Variants in SLC39A11 observed in about 807,000 individuals in gnomAD.
SLC39A11 encodes zinc transporter ZIP11.
A neutral mutation model predicts 36.1 loss-of-function variants in SLC39A11; 33 were observed. The observed-to-expected ratio is 0.91, with a 90% CI of 0.69 to 1.22. SLC39A11 has a LOEUF of 1.22. Ranked by LOEUF, SLC39A11 falls within the 50% of genes most tolerant of loss-of-function variation. The pLI, the probability that SLC39A11 is intolerant of heterozygous loss-of-function variation, is 0.00. For missense variants in SLC39A11, 432 were observed against 430.3 expected (o/e 1.00, Z -0.03); for synonymous variants, 166 against 170.3 (o/e 0.97, Z 0.20).
intron 7 of SLC39A11, among the ~76,000 whole-genome samples, chr17:72,652,179 G>T (rs913814567): frequency 6.6e-6 from 1 of 152,174 alleles, no homozygotes; most frequent in Non-Finnish European, 1.5e-5. Context: ...ACAAATGAGT[G>T]GGGGGCCAGA....
intron 5 of SLC39A11, among the ~76,000 whole-genome samples, chr17:72,888,147 T>C (rs375947382): frequency 4.6e-5 from 7 of 152,344 alleles, no homozygotes; most frequent in East Asian, 1.9e-4. Context: ...TCCACAGATA[T>C]TAGGACGAAC....
intron 6 of SLC39A11, among the ~76,000 whole-genome samples, chr17:72,763,267 G>T (rs373656302): frequency 2.5e-4 from 38 of 152,244 alleles, no homozygotes; most frequent in African/African-American, 7.9e-4. Flanking sequence ...ATTTAAAAGA[G>T]TTCCACAGTT....
At chr17:72,707,607 A>G (rs2072945742) in intron 7 of SLC39A11, among the ~76,000 whole-genome samples, 1 of 152,208 alleles carries the variant, frequency 6.6e-6, no homozygotes, top group East Asian at 1.9e-4. Context: ...TGTGTCATCA[A>G]GCAACTATGA....
chr17:72,928,110 A>C (rs2084165179), intron 5 of SLC39A11, among the ~76,000 whole-genome samples: 1 of 152,200 alleles, frequency 6.6e-6, no homozygotes, highest in South Asian at 2.1e-4. Context: ...TTTTCTAGAC[A>C]ACTGTAACCA....
intron 6 of SLC39A11, chr17:72,839,617 G>A (rs1007304513): frequency 6.6e-6 from 1 of 152,168 alleles, no homozygotes; most frequent in Non-Finnish European, 1.5e-5. Flanking sequence ...TCAGACTTCT[G>A]GCCTCCAGAA....
chr17:72,830,265 G>A (rs12943829), intron 6 of SLC39A11, among the ~76,000 whole-genome samples: 23 of 151,924 alleles, frequency 1.5e-4, no homozygotes, highest in Non-Finnish European at 2.1e-4. Context: ...CCACTGATAC[G>A]CTAGCATAGA....
chr17:72,981,594 C>CA (rs11444135), intron 4 of SLC39A11, among the ~76,000 whole-genome samples: 41,546 of 131,154 alleles, frequency 0.32, 6,867 homozygotes, highest in East Asian at 0.63. Flanking sequence ...TATTTAAATG[C>CA]AAAAAAAAAA....
chr17:72,713,689 T>C (rs1252597596), intron 7 of SLC39A11, among the ~76,000 whole-genome samples: 1 of 152,308 alleles, frequency 6.6e-6, no homozygotes, highest in African/African-American at 2.4e-5. Context: ...ACCCCAAGTC[T>C]AGCTGATTTT....
chr17:72,721,688 G>T (rs1174231386), intron 7 of SLC39A11, among the ~76,000 whole-genome samples: 1 of 152,116 alleles, frequency 6.6e-6, no homozygotes, highest in Non-Finnish European at 1.5e-5. Context: ...AGTTAAAATT[G>T]GCTGGGGGTG....
chr17:72,831,865 T>C (rs1050772557), intron 6 of SLC39A11, among the ~76,000 whole-genome samples: 3 of 152,226 alleles, frequency 2.0e-5, no homozygotes, highest in African/African-American at 7.2e-5. Flanking sequence ...AGCAACAGTC[T>C]CCATGGCTGA....
chr17:72,679,494 G>A (rs935865279), intron 7 of SLC39A11, among the ~76,000 whole-genome samples: 7 of 152,330 alleles, frequency 4.6e-5, no homozygotes, highest in African/African-American at 1.7e-4. Context: ...TAACCCCCCA[G>A]GGAACCTGTT....
In SLC39A11 at chr17:72,911,255, G is replaced by A. The variant is rs1391172616; in HGVS notation, c.430+36497C>T. On this transcript the variant is annotated intron_variant, in intron 5 of 9. Coordinates refer to ENST00000255559, the MANE Select transcript of SLC39A11 (RefSeq NM_139177.4). ...CACAGGAAGGGGAACATCACACACC[G>A]GGGCCTGTTGTGGGGTGGAGGAAGG... 4.6e-5 allele frequency among the ~76,000 whole-genome samples: 7 copies of A among 152,080 alleles called. No individual in the cohort carries two copies. The East Asian group carries it at 5.8e-4, about 13-fold the overall frequency.
At chr17:72,983,594 G>A (rs1234857471) in intron 4 of SLC39A11, among the ~76,000 whole-genome samples, 1 of 152,218 alleles carries the variant, frequency 6.6e-6, no homozygotes, top group African/African-American at 2.4e-5. Context: ...GAGACAGAAA[G>A]CACCTCTGGA....
chr17:72,818,132 A>T (rs1598858339), intron 6 of SLC39A11, among the ~76,000 whole-genome samples: 1 of 152,268 alleles, frequency 6.6e-6, no homozygotes, highest in Non-Finnish European at 1.5e-5. Context: ...ATTCAAGATG[A>T]GATTTGGGTG....
chr17:72,950,478 G>T (rs556575657), intron 4 of SLC39A11, among the ~76,000 whole-genome samples: 1 of 152,132 alleles, frequency 6.6e-6, no homozygotes, highest in African/African-American at 2.4e-5. Flanking sequence ...GATATGCCAC[G>T]GGCCATGGAG....
At chr17:72,903,077 C>T (rs2082476627) in intron 5 of SLC39A11, among the ~76,000 whole-genome samples, 1 of 151,946 alleles carries the variant, frequency 6.6e-6, no homozygotes, top group African/African-American at 2.4e-5. Flanking sequence ...ACCAGCCTGA[C>T]CAAATGATGA....
intron 6 of SLC39A11, among the ~76,000 whole-genome samples, chr17:72,820,546 C>T (rs933968114): frequency 4.0e-5 from 6 of 151,158 alleles, no homozygotes; most frequent in African/African-American, 1.5e-4. Flanking sequence ...GCACATCCTA[C>T]ACTGGGATTG....
At chr17:72,904,162 G>A (rs753317218) in intron 5 of SLC39A11, among the ~76,000 whole-genome samples, 24 of 152,324 alleles carry the variant, frequency 1.6e-4, no homozygotes, top group Non-Finnish European at 2.6e-4. Context: ...GCCGGGCGCG[G>A]TGGCACACAC....
At chr17:72,803,943 A>G (rs996208980) in intron 6 of SLC39A11, among the ~76,000 whole-genome samples, 4 of 139,826 alleles carry the variant, frequency 2.9e-5, no homozygotes, top group Non-Finnish European at 6.1e-5. Context: ...TGAATACCCT[A>G]TGTTTATGCC....
Sources: allele counts gnomAD v4.1 joint callset (sites outside exome capture counted in the v4.1 genomes callset), GRCh38; gene constraint gnomAD v4.1.1; transcripts MANE v1.5; gene names NCBI Gene and HGNC (gene_info 2026-07-23, HGNC 2026-07-21).